Variants in CACNA2D2 observed in about 807,000 individuals in gnomAD.
CACNA2D2 encodes calcium voltage-gated channel auxiliary subunit alpha2delta 2.
CACNA2D2 carries 48 observed loss-of-function variants against 166.4 expected under a neutral mutation model. That is an observed-to-expected ratio of 0.29 (90% CI 0.23 to 0.37). The LOEUF (loss-of-function observed/expected upper bound fraction) is 0.37. Ranked by LOEUF, CACNA2D2 falls within the 10% of genes least tolerant of loss-of-function variation. CACNA2D2 has a pLI of 1.00. For missense variants in CACNA2D2, 1,122 were observed against 1,433.0 expected, an observed-to-expected ratio of 0.78 and a Z score of 3.50; for synonymous variants, 561 against 573.7, an observed-to-expected ratio of 0.98 and a Z score of 0.32.
At chr3:50,401,298 C>G (rs1419739152) in intron 3 of CACNA2D2, among the ~76,000 whole-genome samples, 1 of 151,956 alleles carries the variant, frequency 6.6e-6, no homozygotes, top group Non-Finnish European at 1.5e-5. Flanking sequence ...ATCCATGTAA[C>G]AGGGAAAAAC....
Position 50,365,343 on chromosome 3 carries a change from C to T in CACNA2D2, c.3098+13G>A. ...TCCGCCCTTGGCCTCTGGTCCCGCC[C>T]CACTGCCAGCACCTGGAGCAGTTTC... is the stretch of plus-strand genomic sequence containing the variant. On this transcript the variant is annotated intron_variant, in intron 35 of 37. Coordinates refer to ENST00000424201, the MANE Select transcript of CACNA2D2 (RefSeq NM_006030.4). The surrounding 1 kb of genome is among the most constrained non-coding windows in gnomAD (Gnocchi z 4.5). 6.2e-7 allele frequency: 1 copy of T among 1,612,370 alleles called. No homozygotes were observed. The highest frequency in any genetic ancestry group is 8.5e-7 in the Non-Finnish European group (1 of 1,179,318).
At chr3:50,387,408 C>T (rs908805815) in intron 5 of CACNA2D2, among the ~76,000 whole-genome samples, 160 bp downstream of exon 5, 1 of 152,154 alleles carries the variant, frequency 6.6e-6, no homozygotes, top group Non-Finnish European at 1.5e-5. Flanking sequence ...TGGAGGGGTC[C>T]GGACTTCTAG....
chr3:50,481,074 G>A (rs973595828), intron 1 of CACNA2D2, among the ~76,000 whole-genome samples: 2 of 151,978 alleles, frequency 1.3e-5, no homozygotes, highest in African/African-American at 4.8e-5. Flanking sequence ...TATAATCCAG[G>A]CTTTTGGAAT....
rs775766853 is a variant in CACNA2D2, at chr3:50,364,032, C to T, written c.*634G>A. 2.6e-5 allele frequency: 4 copies of T among 153,020 alleles called. No homozygotes were observed. Among genetic ancestry groups the T allele is most frequent in the Non-Finnish European group, 4.4e-5 (3 of 68,692 alleles). The allele number at this position is 153,020 out of a possible 1,614,324, so 9.5% of individuals were successfully genotyped here. A position where few individuals can be genotyped will look rare whatever the true frequency, so the allele number is the denominator to read the frequency against. On this transcript the variant is annotated 3_prime_UTR_variant, in exon 38 of 38. Transcript: ENST00000424201. Reference sequence around the variant, plus strand: ...TGTGCGTGTGCCCAGTGGGGTATGTCGAATGTGAGTCCAGTTTCCATCCTC... The same window carrying T: ...TGTGCGTGTGCCCAGTGGGGTATGTTGAATGTGAGTCCAGTTTCCATCCTC...
At chr3:50,459,738 G>A (rs1420014981) in intron 2 of CACNA2D2, among the ~76,000 whole-genome samples, 4 of 152,200 alleles carry the variant, frequency 2.6e-5, no homozygotes, top group Non-Finnish European at 4.4e-5. Flanking sequence ...GAGTCCAGGG[G>A]AGAAGCCCAT....
Position 50,366,215 on chromosome 3 carries a change from CT to C in CACNA2D2, c.2709+51del, listed in dbSNP as rs1704271898. 2.5e-6 allele frequency: 4 copies of C among 1,614,048 alleles called. No individual in the cohort carries two copies. Among genetic ancestry groups the C allele is most frequent in the Non-Finnish European group, 3.4e-6 (4 of 1,179,952 alleles). On this transcript the variant is annotated intron_variant, in intron 31 of 37. Coordinates refer to ENST00000424201, the MANE Select transcript of CACNA2D2 (RefSeq NM_006030.4). This position sits in a 1 kb window ranked among gnomAD's most constrained non-coding sequence, Gnocchi z 5.9. ...TCACAGGGCTGGCAGTGCTACACCCCTAGAAGGCTCAAATCCCTACTCTCTT... is the reference window on the plus strand; with the variant it reads ...TCACAGGGCTGGCAGTGCTACACCCCAGAAGGCTCAAATCCCTACTCTCTT...
chr3:50,436,441 C>T (rs986035783), intron 2 of CACNA2D2, among the ~76,000 whole-genome samples: 2 of 152,146 alleles, frequency 1.3e-5, no homozygotes, highest in African/African-American at 2.4e-5. Flanking sequence ...CAGGGTGCCC[C>T]TTGCAGCCTG....
At chr3:50,468,719 C>T (rs1709939750) in intron 2 of CACNA2D2, among the ~76,000 whole-genome samples, 1 of 152,008 alleles carries the variant, frequency 6.6e-6, no homozygotes, top group African/African-American at 2.4e-5. Context: ...GCCTCAGCCA[C>T]TCTATTTTCT....
At chr3:50,433,836 A>G (rs1286110058) in intron 3 of CACNA2D2, among the ~76,000 whole-genome samples, 1 of 152,184 alleles carries the variant, frequency 6.6e-6, no homozygotes, top group Non-Finnish European at 1.5e-5. Flanking sequence ...AGCCATGGGC[A>G]GAGCAGCCCC....
rs746986136 is a variant in CACNA2D2, at chr3:50,365,082, C to T, written c.3201G>A (p.Glu1067=). 8 of 1,610,924 alleles carry T rather than the reference C, an allele frequency of 5.0e-6. No homozygotes were observed. Among genetic ancestry groups the T allele is most frequent in the Non-Finnish European group, 5.9e-6 (7 of 1,179,238 alleles). Residue 1067 remains glutamate, a synonymous_variant, in exon 36 of 38, where the codon GAG becomes GAA. Transcript: ENST00000424201. This position sits in a 1 kb window ranked among gnomAD's most constrained non-coding sequence, Gnocchi z 4.5. ...QCEAGRLLQK[E]THSDGPEQCE... Reference sequence around the variant, plus strand: ...AGGGCGGGGGCAGGATACAGTGCGTCTCCTTCTGCAGCAGCCGGCCAGCCT... The same window carrying T: ...AGGGCGGGGGCAGGATACAGTGCGTTTCCTTCTGCAGCAGCCGGCCAGCCT...
intron 2 of CACNA2D2, among the ~76,000 whole-genome samples, chr3:50,438,127 G>A (rs578202981): frequency 1.3e-5 from 2 of 152,316 alleles, no homozygotes; most frequent in East Asian, 1.9e-4. Flanking sequence ...TGTGGGGGAG[G>A]ACTGAGGAAC....
In CACNA2D2 at chr3:50,380,810, G is replaced by C. The variant is rs768117549; in HGVS notation, c.785-5C>G. ...TGGGGGCTCGCCACGGGGTGGCTGA[G>C]GGAGGAGAGAAGGTGAGGGGGACTG... On this transcript the variant is annotated splice_region_variant and splice_polypyrimidine_tract_variant and intron_variant, in intron 7 of 37. Coordinates refer to ENST00000424201, the MANE Select transcript of CACNA2D2 (RefSeq NM_006030.4). This position sits in a 1 kb window ranked among gnomAD's most constrained non-coding sequence, Gnocchi z 4.9. 1.4e-5 allele frequency: 21 copies of C among 1,545,354 alleles called. No homozygotes were observed. Among genetic ancestry groups the C allele is most frequent in the Middle Eastern group, 3.5e-4 (2 of 5,740 alleles).
intron 1 of CACNA2D2, 103 bp downstream of exon 1, chr3:50,503,115 G>T: frequency 1.6e-6 from 1 of 614,110 alleles, no homozygotes; most frequent in Non-Finnish European, 2.2e-6. Context: ...CGGACCCAGC[G>T]CCTCTGCCCT....
chr3:50,395,732 T>C (rs923486323), intron 3 of CACNA2D2, among the ~76,000 whole-genome samples: 1 of 152,208 alleles, frequency 6.6e-6, no homozygotes, highest in Non-Finnish European at 1.5e-5. Context: ...GGGCCTCCTA[T>C]GGAGCTGTGG....
chr3:50,482,011 CTATAAAA>C (rs1296114453), intron 1 of CACNA2D2, among the ~76,000 whole-genome samples: 2 of 152,148 alleles, frequency 1.3e-5, no homozygotes, highest in Non-Finnish European at 2.9e-5. Context: ...AAAATAAAAA[CTATAAAA>C]TATAAAGTGC....
intron 1 of CACNA2D2, among the ~76,000 whole-genome samples, chr3:50,499,261 T>C (rs1180488420): frequency 6.6e-6 from 1 of 152,160 alleles, no homozygotes; most frequent in Non-Finnish European, 1.5e-5. Flanking sequence ...AGCACAGTCA[T>C]GGCAGGGCAG....
At chr3:50,426,006 T>G (rs569891698) in intron 3 of CACNA2D2, among the ~76,000 whole-genome samples, 1 of 152,274 alleles carries the variant, frequency 6.6e-6, no homozygotes, top group South Asian at 2.1e-4. Context: ...CCCTTGCTCA[T>G]GCTCTGCCCT....
Position 50,476,203 on chromosome 3 carries a change from T to A in CACNA2D2, c.207-4A>T. 6.3e-7 allele frequency: 1 copy of A among 1,582,942 alleles called. No individual in the cohort carries two copies. Among genetic ancestry groups the A allele is most frequent in the Non-Finnish European group, 8.6e-7 (1 of 1,165,374 alleles). ...ACGCCGGGCCCAGTGCTGCATCCTGTATGCAGAGAGAGGAGAGAGGTGTCA... is the reference window on the plus strand; with the variant it reads ...ACGCCGGGCCCAGTGCTGCATCCTGAATGCAGAGAGAGGAGAGAGGTGTCA... On this transcript the variant is annotated splice_polypyrimidine_tract_variant and splice_region_variant and intron_variant, in intron 1 of 37. Transcript: ENST00000424201.
chr3:50,465,494 G>A (rs905751766), intron 2 of CACNA2D2, among the ~76,000 whole-genome samples: 1 of 152,174 alleles, frequency 6.6e-6, no homozygotes, highest in Non-Finnish European at 1.5e-5. Flanking sequence ...CCTGCCAGGA[G>A]TCAGCATCAA....
Sources: allele counts gnomAD v4.1 joint callset (sites outside exome capture counted in the v4.1 genomes callset), GRCh38; gene constraint gnomAD v4.1.1; non-coding constraint Gnocchi (gnomAD v3.1); transcripts MANE v1.5; gene names NCBI Gene and HGNC (gene_info 2026-07-23, HGNC 2026-07-21).